LST1: variants seen among roughly 807,000 people sequenced by gnomAD.
LST1 encodes leukocyte-specific transcript 1 protein.
LST1 carries 9 observed loss-of-function variants against 8.5 expected under a neutral mutation model. That is an observed-to-expected ratio of 1.06 (90% confidence interval 0.64 to 1.85). The LOEUF (loss-of-function observed/expected upper bound fraction) is 1.85, where lower values mean the gene tolerates loss of function less well. LST1 is among the 40% of genes most tolerant of loss of function. The pLI is 0.00. For missense variants in LST1, 121 were observed against 117.1 expected (o/e 1.03, Z -0.16); for synonymous variants, 53 against 50.4 (o/e 1.05, Z -0.21).
At chr6:31,587,496 G>A (rs1772051758) in intron 2 of LST1, 145 bp from the exon 3 acceptor site, 2 of 838,312 alleles carry the variant, frequency 2.4e-6, no homozygotes, top group East Asian at 2.5e-5. Context: ...AGGTATTAAG[G>A]TCTGGGATGG....
Position 31,587,651 on chromosome 6 carries a change from C to G in LST1, c.30C>G (p.Ile10Met). MLSRNDDIC[I>M]YGGLGLGGLL... ...CCCTCTTCCCTGAAGATATATGTAT[C>G]TACGGGGGCCTGGGGCTGGGCGGGC... is the stretch of plus-strand genomic sequence containing the variant. Residue 10 changes from isoleucine to methionine, a missense_variant, in exon 3 of 5, where the codon ATC becomes ATG. Coordinates refer to ENST00000438075, the MANE Select transcript of LST1 (RefSeq NM_205839.3). 1 of 1,599,914 alleles carries G rather than the reference C, an allele frequency of 6.3e-7. No individual in the cohort carries two copies. The highest frequency in any genetic ancestry group is 8.5e-7 in the Non-Finnish European group (1 of 1,173,266).
rs374888807 is a variant in LST1 at position 31,587,343 on chromosome 6, G to A, written c.19+25G>A. On this transcript the variant is annotated intron_variant, in intron 2 of 4. Transcript: ENST00000438075. ...GGTAAGTAAAGTGTCTCTTGCATCT[G>A]CATAGAGAGAGTCCTGGGAGCTTAG... 2.5e-6 allele frequency: 4 copies of A among 1,612,468 alleles called. No homozygotes were observed. The African/African-American group carries it at 5.3e-5, about 22-fold the overall frequency.
rs1275516561 is a variant in LST1, at chr6:31,588,399, A to AGG, written c.136-118_136-117insGG. Reference sequence around the variant, plus strand: ...AAGAGAGAGAGAGAGAGAGAGAGAGAGAGGGAGAGAGAGAGAGAGAGAGGG... The same window carrying AGG: ...AAGAGAGAGAGAGAGAGAGAGAGAGAGGGAGGGAGAGAGAGAGAGAGAGAGGG... On this transcript the variant is annotated intron_variant, in intron 4 of 4. Transcript: ENST00000438075. The AGG allele has an allele frequency of 2.5e-3, 1,990 of 793,640 alleles. 2 individuals are homozygous for AGG. The East Asian group carries it at 0.047, about 19-fold the overall frequency. The allele number at this position is 793,640 out of a possible 1,614,324, so 49.2% of individuals were successfully genotyped here. A position where few individuals can be genotyped will look rare whatever the true frequency, so the allele number is the denominator to read the frequency against.
chr6:31,586,628 G>A (rs1167596104), intron 1 of LST1: 1 of 152,480 alleles, frequency 6.6e-6, no homozygotes, highest in Non-Finnish European at 1.5e-5. Flanking sequence ...CCCTCAAACA[G>A]GAACCAGTGG....
intron 4 of LST1, chr6:31,588,257 C>A: frequency 1.7e-6 from 1 of 595,688 alleles, no homozygotes; most frequent in Non-Finnish European, 3.0e-6. Flanking sequence ...CAGAACCAGG[C>A]ACAGTGGCTC....
chr6:31,588,453 G>C (rs1055654334), intron 4 of LST1, 65 bp from the exon 5 acceptor site: 2 of 1,522,174 alleles, frequency 1.3e-6, no homozygotes, highest in Admixed American at 2.0e-5. Flanking sequence ...GGAGGTGGGA[G>C]CAGAACTCAC....
chr6:31,587,451 A>G, intron 2 of LST1, 133 bp downstream of exon 2: 3 of 1,114,228 alleles, frequency 2.7e-6, no homozygotes, highest in Non-Finnish European at 4.1e-6. Context: ...AGGGAAAGGG[A>G]CCTCACGGGA....
In LST1 at chr6:31,587,966, G is replaced by A. The variant is rs756763703; in HGVS notation, c.135G>A (p.Trp45Ter). The change falls in exon 4 of 5, where the codon TGG (tryptophan) becomes TGA (stop). Residue 45 changes from tryptophan to a stop codon, truncating the protein, a stop_gained and splice_region_variant. Transcript: ENST00000438075. LOFTEE classifies it low-confidence loss of function (END_TRUNC). ...CAGTAAAGAGGCTGGAGAGGAGCTGGGTGAGTCTGGGGACAGGGAAGGGGG... is the reference window on the plus strand; with the variant it reads ...CAGTAAAGAGGCTGGAGAGGAGCTGAGTGAGTCTGGGGACAGGGAAGGGGG... ...HRRVKRLERS[W>*]AQGSSEQELH... 6.2e-7 allele frequency: 1 copy of A among 1,609,398 alleles called. No individual in the cohort carries two copies. Among genetic ancestry groups the A allele is most frequent in the Non-Finnish European group, 8.5e-7 (1 of 1,178,142 alleles).
Position 31,587,630 on chromosome 6 carries a change from C to G in LST1, c.20-11C>G, listed in dbSNP as rs1218536989. On this transcript the variant is annotated splice_polypyrimidine_tract_variant and intron_variant, in intron 2 of 4. Coordinates refer to ENST00000438075, the MANE Select transcript of LST1 (RefSeq NM_205839.3). ...AATGGGCTTCCTAACCTTGAGCCCT[C>G]TTCCCTGAAGATATATGTATCTACG... The G allele has an allele frequency of 1.3e-6, 2 of 1,559,660 alleles. No homozygotes were observed. The highest frequency in any genetic ancestry group is 1.8e-6 in the Non-Finnish European group (2 of 1,141,978).
At position 31,587,936 on chromosome 6, in the gene LST1, T is replaced by C; in HGVS notation, c.113-8T>C. 1 of 1,609,868 alleles carries C rather than the reference T, an allele frequency of 6.2e-7. No homozygotes were observed. Among genetic ancestry groups the C allele is most frequent in the Non-Finnish European group, 8.5e-7 (1 of 1,178,386 alleles). On this transcript the variant is annotated splice_polypyrimidine_tract_variant and splice_region_variant and intron_variant, in intron 3 of 4. Transcript: ENST00000438075. Reference sequence around the variant, plus strand: ...GTGGGCTGTGTTGAGCTTCTTCTTTTCTTCCAGTAAAGAGGCTGGAGAGGA... The same window carrying C: ...GTGGGCTGTGTTGAGCTTCTTCTTTCCTTCCAGTAAAGAGGCTGGAGAGGA...
rs1772338394 is a variant in LST1 at position 31,588,873 on chromosome 6, TA to T, written c.*201del. On this transcript the variant is annotated 3_prime_UTR_variant, in exon 5 of 5. Transcript: ENST00000438075. ...GGAATTTTTTAAATTTTTTAAAAAT[TA>T]AAATAAAAAAAACACATGGCTCACC... The T allele has an allele frequency of 1.1e-6, 1 of 891,992 alleles. No individual in the cohort carries two copies. The highest frequency in any genetic ancestry group is 1.7e-6 in the Non-Finnish European group (1 of 593,100). 55.3% of individuals were successfully genotyped at this position (891,992 alleles called of 1,614,324 possible). A position where few individuals can be genotyped will look rare whatever the true frequency, so the allele number is the denominator to read the frequency against.
chr6:31,587,142 C>T, intron 1 of LST1, 58 bp from the exon 2 acceptor site: 1 of 675,830 alleles, frequency 1.5e-6, no homozygotes, highest in Non-Finnish European at 2.7e-6. Context: ...AGGGTTGGCA[C>T]ATAAGGGAGG....
Position 31,587,947 on chromosome 6 carries a change from A to G in LST1, c.116A>G (p.Lys39Arg). ...ACLCWLHRRV[K>R]RLERSWAQGS... Reference sequence around the variant, plus strand: ...TGAGCTTCTTCTTTTCTTCCAGTAAAGAGGCTGGAGAGGAGCTGGGTGAGT... The same window carrying G: ...TGAGCTTCTTCTTTTCTTCCAGTAAGGAGGCTGGAGAGGAGCTGGGTGAGT... The change falls in exon 4 of 5, where the codon AAG (lysine) becomes AGG (arginine). Residue 39 changes from lysine to arginine, a missense_variant. By Grantham distance (26) the Lys-to-Arg change is conservative. Coordinates refer to ENST00000438075, the MANE Select transcript of LST1 (RefSeq NM_205839.3). The G allele has an allele frequency of 6.2e-7, 1 of 1,610,160 alleles. No individual in the cohort carries two copies. Among genetic ancestry groups the G allele is most frequent in the African/African-American group, 1.3e-5 (1 of 74,924 alleles).
chr6:31,586,896 A>C, intron 1 of LST1: 1 of 240,408 alleles, frequency 4.2e-6, no homozygotes, highest in Non-Finnish European at 8.2e-6. Flanking sequence ...CCTTACCAGC[A>C]CCTAGAACCA....
chr6:31,588,510 G>C lies in LST1; in HGVS notation c.136-8G>C. 6.3e-7 allele frequency: 1 copy of C among 1,592,346 alleles called. No homozygotes were observed. Among genetic ancestry groups the C allele is most frequent in the Non-Finnish European group, 8.5e-7 (1 of 1,169,802 alleles). ...GCCTCCCATCAGCACCTTCTGTCCTGGTCCCAGGCCCAGGGCTCCTCAGAG... is the reference window on the plus strand; with the variant it reads ...GCCTCCCATCAGCACCTTCTGTCCTCGTCCCAGGCCCAGGGCTCCTCAGAG... On this transcript the variant is annotated splice_region_variant and splice_polypyrimidine_tract_variant and intron_variant, in intron 4 of 4. Transcript: ENST00000438075.
Position 31,588,511 on chromosome 6 carries a change from G to T in LST1, c.136-7G>T, listed in dbSNP as rs780605169. The T allele has an allele frequency of 1.8e-5, 29 of 1,592,892 alleles. No homozygotes were observed. In the South Asian group the frequency reaches 2.8e-4, roughly 16 times the overall value. ...CCTCCCATCAGCACCTTCTGTCCTG[G>T]TCCCAGGCCCAGGGCTCCTCAGAGC... On this transcript the variant is annotated splice_region_variant and splice_polypyrimidine_tract_variant and intron_variant, in intron 4 of 4. Coordinates refer to ENST00000438075, the MANE Select transcript of LST1 (RefSeq NM_205839.3).
At chr6:31,588,016 T>G (rs1772150507) in intron 4 of LST1, 50 bp downstream of exon 4, 1 of 1,555,126 alleles carries the variant, frequency 6.4e-7, no homozygotes, top group Non-Finnish European at 8.7e-7. Context: ...CCTGAGTGGG[T>G]GAGTGGGGAG....
chr6:31,588,096 G>A, intron 4 of LST1, 130 bp downstream of exon 4: 1 of 945,110 alleles, frequency 1.1e-6, no homozygotes, highest in Non-Finnish European at 1.5e-6. Context: ...GAGCATGAGA[G>A]AGGCAGAGAA....
intron 4 of LST1, 86 bp downstream of exon 4, chr6:31,588,052 G>C: frequency 7.1e-7 from 1 of 1,400,092 alleles, no homozygotes; most frequent in Non-Finnish European, 9.7e-7. Flanking sequence ...CTGAGAGGAG[G>C]GTTGGGGACG....
Sources: gnomAD v4.1 joint callset for allele counts on GRCh38, gnomAD v4.1.1 for gene constraint, MANE v1.5 for transcripts, NCBI Gene and HGNC (gene_info 2026-07-23, HGNC 2026-07-21) for gene names.